The following SPAG16 variants were observed in gnomAD, a reference collection of about 807,000 sequenced individuals.
SPAG16 encodes the protein sperm-associated antigen 16 protein.
SPAG16 carries 86 observed loss-of-function variants against 80.4 expected under a neutral mutation model. The ratio of observed to expected loss-of-function variants is 1.07; its 90% CI spans 0.90 to 1.28. The LOEUF is 1.28. SPAG16 is among the 50% of genes most tolerant of loss of function. The probability of loss-of-function intolerance (pLI) is 0.00; values close to 1 mark genes in which losing one functional copy is unlikely to be tolerated. For missense variants in SPAG16, 870 were observed against 765.3 expected (o/e 1.14, Z -1.61); for synonymous variants, 294 against 265.9 (o/e 1.11, Z -1.03).
chr2:213,550,464 G>A (rs1464474264), intron 10 of SPAG16, among the ~76,000 whole-genome samples: 1 of 152,072 alleles, frequency 6.6e-6, no homozygotes, highest in Non-Finnish European at 1.5e-5. Context: ...GGGAAAACAT[G>A]CTGCTGGTAC....
intron 8 of SPAG16, among the ~76,000 whole-genome samples, chr2:213,370,824 T>G (rs1037884643): frequency 1.3e-5 from 2 of 152,212 alleles, no homozygotes; most frequent in Non-Finnish European, 2.9e-5. Flanking sequence ...CTTTGGAGAT[T>G]AAACTTGTAT....
intron 15 of SPAG16, among the ~76,000 whole-genome samples, chr2:214,383,860 A>C (rs1700601294): frequency 6.6e-6 from 1 of 152,238 alleles, no homozygotes. Context: ...ATTATTGTTC[A>C]GAAAAAGATA....
chr2:213,917,872 C>A (rs1045504042), intron 11 of SPAG16, among the ~76,000 whole-genome samples: 19 of 152,118 alleles, frequency 1.2e-4, no homozygotes, highest in African/African-American at 4.6e-4. Flanking sequence ...GGGAAGACTT[C>A]CAGCTTTTGC....
intron 9 of SPAG16, among the ~76,000 whole-genome samples, chr2:213,476,605 T>TA (rs1291362438): frequency 1.3e-5 from 2 of 152,318 alleles, no homozygotes; most frequent in East Asian, 3.9e-4. Flanking sequence ...GGTCCACTCT[T>TA]ACTCAAACTT....
chr2:213,643,181 A>G (rs970763691), intron 10 of SPAG16, among the ~76,000 whole-genome samples: 5 of 149,992 alleles, frequency 3.3e-5, no homozygotes, highest in African/African-American at 7.4e-5. Context: ...TTATTTCTCT[A>G]TGTTTAAAGA....
At chr2:214,150,335 A>T (rs970902340) in intron 15 of SPAG16, among the ~76,000 whole-genome samples, 12 of 152,060 alleles carry the variant, frequency 7.9e-5, no homozygotes, top group African/African-American at 2.4e-4. Flanking sequence ...CCCATTACAG[A>T]TTGGCATATG....
intron 11 of SPAG16, among the ~76,000 whole-genome samples, chr2:213,916,458 G>T (rs996020354): frequency 2.0e-4 from 31 of 152,136 alleles, no homozygotes; most frequent in African/African-American, 7.0e-4. Context: ...CCTCTGTTCT[G>T]TTCCATTGGT....
In SPAG16 at chr2:214,345,247, T is replaced by C. The variant is rs774832134; in HGVS notation, c.1721-64893T>C. ...GCTTTTTGCAAAGACTTTGTTGAAA[T>C]TGACTTGCCATTTGCCTGGACTTGA... On this transcript the variant is annotated intron_variant, in intron 15 of 15. Coordinates refer to ENST00000331683, the MANE Select transcript of SPAG16 (RefSeq NM_024532.5). Among the ~76,000 whole-genome samples, 22 of 152,226 alleles carry C rather than the reference T, an allele frequency of 1.4e-4. No homozygotes were observed. In the East Asian group the frequency reaches 2.7e-3, roughly 19 times the overall value.
At chr2:214,270,991 T>C (rs1161299051) in intron 15 of SPAG16, among the ~76,000 whole-genome samples, 2 of 152,080 alleles carry the variant, frequency 1.3e-5, no homozygotes, top group African/African-American at 4.8e-5. Flanking sequence ...CAGTGCCCAA[T>C]AGAAAGTAAA....
chr2:213,317,571 A>C, intron 5 of SPAG16: 1 of 1,216,268 alleles, frequency 8.2e-7, no homozygotes, highest in African/African-American at 1.5e-5. Context: ...GAATGCAGGT[A>C]GTTGTTTAGG....
At chr2:213,982,610 GGTGTGT>G (rs57529616) in intron 12 of SPAG16, among the ~76,000 whole-genome samples, 3,692 of 141,906 alleles carry the variant, frequency 0.026, 141 homozygotes, top group African/African-American at 0.089. Context: ...TATAGTTTCT[GGTGTGT>G]GTGTGTGTGT....
chr2:214,205,747 A>G (rs1470478626), intron 15 of SPAG16, among the ~76,000 whole-genome samples: 1 of 152,206 alleles, frequency 6.6e-6, no homozygotes, highest in Non-Finnish European at 1.5e-5. Flanking sequence ...TAATATACCT[A>G]TTTATGGAAT....
intron 12 of SPAG16, among the ~76,000 whole-genome samples, chr2:213,947,464 A>G (rs1359908819): frequency 2.0e-5 from 3 of 152,138 alleles, no homozygotes; most frequent in African/African-American, 7.2e-5. Flanking sequence ...CTTATTATGT[A>G]CATACTTGCC....
chr2:213,966,328 T>C (rs1294987631), intron 12 of SPAG16, among the ~76,000 whole-genome samples: 2 of 152,182 alleles, frequency 1.3e-5, no homozygotes, highest in East Asian at 3.8e-4. Context: ...AGTATTCCCT[T>C]TGTATAATTT....
intron 12 of SPAG16, among the ~76,000 whole-genome samples, chr2:213,930,612 C>T (rs1344218062): frequency 1.3e-5 from 2 of 152,070 alleles, no homozygotes; most frequent in Non-Finnish European, 2.9e-5. Flanking sequence ...CTTGTCGATT[C>T]ACAAATTGTA....
chr2:214,234,368 T>C lies in SPAG16; in HGVS notation c.1720+85102T>C, dbSNP rs571883927. Among the ~76,000 whole-genome samples the C allele has an allele frequency of 2.6e-5, 4 of 152,304 alleles. 1 individual carries two copies. Among genetic ancestry groups the C allele is most frequent in the African/African-American group, 9.6e-5 (4 of 41,584 alleles). ...GAACATAGGAGTGCATGTATCTTTA[T>C]GATAGAATTATTTATATTCATTTGG... On this transcript the variant is annotated intron_variant, in intron 15 of 15. Transcript: ENST00000331683.
intron 10 of SPAG16, among the ~76,000 whole-genome samples, chr2:213,676,070 G>T (rs2064054699): frequency 6.6e-6 from 1 of 152,006 alleles, no homozygotes; most frequent in South Asian, 2.1e-4. Context: ...ACTGAGCAGT[G>T]GTTTGTAGTT....
intron 15 of SPAG16, among the ~76,000 whole-genome samples, chr2:214,177,888 A>AATATATATATACATATATATATATATAC (rs2057146473): frequency 2.0e-5 from 2 of 99,836 alleles, no homozygotes; most frequent in African/African-American, 4.6e-5. Context: ...AAAAAAGCAG[A>AATATATATATACATATATATATATATAC]ATATATATAT....
intron 15 of SPAG16, among the ~76,000 whole-genome samples, chr2:214,255,363 G>C (rs1438001499): frequency 6.6e-6 from 1 of 151,884 alleles, no homozygotes; most frequent in African/African-American, 2.4e-5. Context: ...CTAACGTAAA[G>C]AAATGTTGAA....
Sources: allele counts gnomAD v4.1 joint callset (sites outside exome capture counted in the v4.1 genomes callset), GRCh38; gene constraint gnomAD v4.1.1; transcripts MANE v1.5; gene names NCBI Gene and HGNC (gene_info 2026-07-23, HGNC 2026-07-21).